The following CELF2 variants were observed in gnomAD, a reference collection of about 807,000 sequenced individuals.
CELF2 encodes the protein CUGBP Elav-like family member 2.
CELF2 carries 8 observed loss-of-function variants against 62.6 expected under a neutral mutation model. The ratio of observed to expected loss-of-function variants is 0.13; its 90% CI spans 0.07 to 0.23. CELF2 has a LOEUF of 0.23. Among genes scored for constraint, CELF2 ranks in the 10% least tolerant of loss-of-function variants. The probability of loss-of-function intolerance (pLI) is 1.00; values close to 1 mark genes in which losing one functional copy is unlikely to be tolerated. For synonymous variants in CELF2, 258 were observed against 250.0 expected, an observed-to-expected ratio of 1.03 and a Z score of -0.30; for missense variants, 333 against 671.0, an observed-to-expected ratio of 0.50 and a Z score of 5.56.
chr10:11,174,075 G>A (rs1444261447), intron 2 of CELF2, among the ~76,000 whole-genome samples: 2 of 152,178 alleles, frequency 1.3e-5, no homozygotes, highest in Non-Finnish European at 2.9e-5. Flanking sequence ...AAGGAAATTT[G>A]TAGTGAACTA....
At chr10:10,504,682 A>G in the CELF2 span, among the ~76,000 whole-genome samples, 1 of 151,920 alleles carries the variant, frequency 6.6e-6, no homozygotes, top group African/African-American at 2.4e-5. Flanking sequence ...TATTTTTGTT[A>G]TAGCCCTATA....
intron 1 of CELF2, among the ~76,000 whole-genome samples, chr10:10,807,115 A>C (rs183080258): frequency 6.6e-6 from 1 of 152,356 alleles, no homozygotes; most frequent in East Asian, 1.9e-4. Flanking sequence ...CTAGAAAATA[A>C]AGAATCTCCT....
At chr10:10,740,423 T>C in the CELF2 span, among the ~76,000 whole-genome samples, 1 of 152,154 alleles carries the variant, frequency 6.6e-6, no homozygotes, top group Non-Finnish European at 1.5e-5. Flanking sequence ...TTGACCAGTG[T>C]GTAGATAAAA....
At chr10:11,115,119 G>A (rs150099552) in intron 1 of CELF2, among the ~76,000 whole-genome samples, 2 of 152,248 alleles carry the variant, frequency 1.3e-5, no homozygotes, top group Admixed American at 6.5e-5. Context: ...GGTCCAGGAT[G>A]CAGATTAATA....
intron 2 of CELF2, among the ~76,000 whole-genome samples, chr10:11,182,786 C>A (rs1380131215): frequency 6.6e-6 from 1 of 152,182 alleles, no homozygotes; most frequent in Non-Finnish European, 1.5e-5. Context: ...GTTAATGGAA[C>A]AGTCTTCCTT....
At chr10:10,480,953 C>T in the CELF2 span, among the ~76,000 whole-genome samples, 286 of 152,210 alleles carry the variant, frequency 1.9e-3, 3 homozygotes, top group African/African-American at 6.5e-3. Context: ...ATTCCAGCTA[C>T]TCGGGAGGCT....
chr10:11,034,228 G>A (rs1212796784), intron 1 of CELF2, among the ~76,000 whole-genome samples: 2 of 152,124 alleles, frequency 1.3e-5, no homozygotes, highest in Non-Finnish European at 2.9e-5. Flanking sequence ...TTGTTTTGGG[G>A]CTATGTTGGA....
chr10:10,851,152 A>G (rs1423363536), intron 1 of CELF2, among the ~76,000 whole-genome samples: 3 of 152,228 alleles, frequency 2.0e-5, no homozygotes, highest in Admixed American at 1.3e-4. Flanking sequence ...GATGACTAAC[A>G]AGGAAGAAGC....
chr10:11,000,501 G>A (rs539490081), upstream of CELF2, among the ~76,000 whole-genome samples: 4 of 152,116 alleles, frequency 2.6e-5, no homozygotes, highest in East Asian at 1.9e-4. Context: ...TCATTCCTGC[G>A]CCCTGCTCCT....
At chr10:11,167,121 A>T (rs1367380419) in intron 2 of CELF2, among the ~76,000 whole-genome samples, 2 of 152,280 alleles carry the variant, frequency 1.3e-5, no homozygotes, top group African/African-American at 4.8e-5. Context: ...GTAGATTTTT[A>T]AACTTCACAA....
At chr10:11,298,015 G>A (rs1206362264) in intron 9 of CELF2, among the ~76,000 whole-genome samples, 1 of 152,222 alleles carries the variant, frequency 6.6e-6, no homozygotes, top group African/African-American at 2.4e-5. Flanking sequence ...ATCTGTAAAA[G>A]TACTGGGGTC....
chr10:11,254,974 G>C (rs1379336955), intron 4 of CELF2, among the ~76,000 whole-genome samples: 2 of 152,052 alleles, frequency 1.3e-5, no homozygotes, highest in Non-Finnish European at 2.9e-5. Context: ...TTCTCACAGG[G>C]CCTCCCCCAC....
intron 2 of CELF2, among the ~76,000 whole-genome samples, chr10:11,208,314 T>C (rs931826125): frequency 1.3e-5 from 2 of 152,016 alleles, no homozygotes; most frequent in African/African-American, 4.8e-5. Context: ...CGCAGGTTGA[T>C]GAGATCACGG....
At chr10:11,185,995 A>G (rs2074763657) in intron 2 of CELF2, among the ~76,000 whole-genome samples, 1 of 152,242 alleles carries the variant, frequency 6.6e-6, no homozygotes, top group Non-Finnish European at 1.5e-5. Flanking sequence ...GTTTTTAACT[A>G]CAAATTGAAT....
the CELF2 span, among the ~76,000 whole-genome samples, chr10:10,508,848 G>C: frequency 6.6e-6 from 1 of 151,906 alleles, no homozygotes; most frequent in Non-Finnish European, 1.5e-5. Context: ...GCTAATTTTT[G>C]TATTTTTAGT....
the CELF2 span, among the ~76,000 whole-genome samples, chr10:10,759,589 G>A: frequency 6.6e-6 from 1 of 152,008 alleles, no homozygotes; most frequent in East Asian, 1.9e-4. Flanking sequence ...GACTACAGGT[G>A]TGAACTACCA....
intron 2 of CELF2, among the ~76,000 whole-genome samples, chr10:10,986,323 C>T (rs1380279046): frequency 6.6e-6 from 1 of 152,082 alleles, no homozygotes; most frequent in Non-Finnish European, 1.5e-5. Context: ...TCTAAGAAAG[C>T]TGTTTTATAA....
chr10:10,581,870 A>C, the CELF2 span, among the ~76,000 whole-genome samples: 1 of 152,140 alleles, frequency 6.6e-6, no homozygotes, highest in Non-Finnish European at 1.5e-5. Flanking sequence ...TCTACTAAAA[A>C]TACAAAAATT....
intron 3 of CELF2, among the ~76,000 whole-genome samples, chr10:11,241,314 C>A (rs1276234472): frequency 6.6e-6 from 1 of 152,220 alleles, no homozygotes; most frequent in East Asian, 1.9e-4. Context: ...ATTCTCCTGC[C>A]TCAGTCTCCC....
Sources: gnomAD v4.1 joint callset for allele counts (sites outside exome capture counted in the v4.1 genomes callset) on GRCh38, gnomAD v4.1.1 for gene constraint, MANE v1.5 for transcripts, NCBI Gene and HGNC (gene_info 2026-07-23, HGNC 2026-07-21) for gene names.